Variants in BCL2L13 observed in about 807,000 individuals in gnomAD.
BCL2L13 encodes bcl-2-like protein 13.
A neutral mutation model predicts 25.8 loss-of-function variants in BCL2L13; 13 were observed. The ratio of observed to expected loss-of-function variants is 0.50; its 90% CI spans 0.33 to 0.80. BCL2L13 has a LOEUF of 0.80. Ranked by LOEUF, BCL2L13 falls within the 30% of genes least tolerant of loss-of-function variation. The pLI is 0.02. For synonymous variants in BCL2L13, 244 were observed against 230.3 expected, an observed-to-expected ratio of 1.06 and a Z score of -0.54; for missense variants, 504 against 574.9, an observed-to-expected ratio of 0.88 and a Z score of 1.26.
At chr22:17,696,760 C>T (rs2060276380) in intron 5 of BCL2L13, among the ~76,000 whole-genome samples, 1 of 152,104 alleles carries the variant, frequency 6.6e-6, no homozygotes, top group Admixed American at 6.5e-5. Flanking sequence ...ATCCCTTGAC[C>T]AGTCAATATT....
At chr22:17,645,139 G>A (rs1244930412) in intron 1 of BCL2L13, among the ~76,000 whole-genome samples, 1 of 150,388 alleles carries the variant, frequency 6.6e-6, no homozygotes, top group Non-Finnish European at 1.5e-5. Context: ...GGCATCCAAA[G>A]TAATTTGATG....
At chr22:17,720,338 A>G (rs1044841339) in intron 6 of BCL2L13, among the ~76,000 whole-genome samples, 6 of 151,820 alleles carry the variant, frequency 4.0e-5, no homozygotes, top group African/African-American at 1.2e-4. Flanking sequence ...CACCAAGACC[A>G]GCTAATTTTT....
intron 2 of BCL2L13, among the ~76,000 whole-genome samples, chr22:17,665,591 G>A (rs2059209830): frequency 6.6e-6 from 1 of 152,088 alleles, no homozygotes; most frequent in South Asian, 2.1e-4. Flanking sequence ...TTGACACATG[G>A]GGATTATTAC....
upstream of BCL2L13, chr22:17,638,406 C>G (rs575693039): frequency 8.9e-6 from 3 of 335,414 alleles, no homozygotes; most frequent in African/African-American, 2.1e-5. Context: ...ATTTGACCTG[C>G]TCCCTTGGCA....
intron 2 of BCL2L13, among the ~76,000 whole-genome samples, chr22:17,676,744 C>G (rs2059586136): frequency 6.6e-6 from 1 of 152,108 alleles, no homozygotes; most frequent in Non-Finnish European, 1.5e-5. Flanking sequence ...CCATCTAACA[C>G]TACAAATTAC....
At chr22:17,631,628 T>A (rs2058015569) in intron 1 of BCL2L13, among the ~76,000 whole-genome samples, 1 of 137,906 alleles carries the variant, frequency 7.3e-6, no homozygotes. Flanking sequence ...CTCTTTGTCC[T>A]TTTAGTAGGA....
upstream of BCL2L13, among the ~76,000 whole-genome samples, chr22:17,635,950 C>A (rs1182867127): frequency 3.3e-5 from 5 of 150,696 alleles, no homozygotes; most frequent in African/African-American, 4.9e-5. Flanking sequence ...ACCTCGTGAT[C>A]CGTCCCCCTT....
At chr22:17,654,436 T>C (rs1420394045) in intron 1 of BCL2L13, among the ~76,000 whole-genome samples, 1 of 150,986 alleles carries the variant, frequency 6.6e-6, no homozygotes, top group Non-Finnish European at 1.5e-5. Flanking sequence ...CTTCTGTTTT[T>C]TTTTGAGATG....
At chr22:17,714,396 G>C (rs541047601) in intron 6 of BCL2L13, among the ~76,000 whole-genome samples, 3 of 152,084 alleles carry the variant, frequency 2.0e-5, no homozygotes, top group Admixed American at 6.5e-5. Flanking sequence ...AGGTTGCAGC[G>C]AGCCAAGATG....
upstream of BCL2L13, among the ~76,000 whole-genome samples, chr22:17,634,276 C>T (rs2058071791): frequency 6.6e-6 from 1 of 152,198 alleles, no homozygotes; most frequent in East Asian, 1.9e-4. Context: ...ACCTCCACCT[C>T]CCAGGTTCAA....
rs189770244 is a variant in BCL2L13, at chr22:17,652,743, A to G, written c.-50-2919A>G. Among the ~76,000 whole-genome samples the G allele has an allele frequency of 1.7e-3, 252 of 152,176 alleles. 2 individuals are homozygous for G. Among genetic ancestry groups the G allele is most frequent in the Non-Finnish European group, 3.1e-3 (214 of 67,992 alleles). ...ATGAGCCATCGTGCCCGGCCATCAG[A>G]TTTCTTGAATACCATATTGAAAGTG... is the stretch of plus-strand genomic sequence containing the variant. On this transcript the variant is annotated intron_variant, in intron 1 of 6. Transcript: ENST00000317582.
At chr22:17,637,223 G>A (rs923856182), upstream of BCL2L13, among the ~76,000 whole-genome samples, 18 of 151,768 alleles carry the variant, frequency 1.2e-4, no homozygotes, top group Non-Finnish European at 2.1e-4. Flanking sequence ...CCTAACCAAC[G>A]TGGAGAAACT....
intron 1 of BCL2L13, among the ~76,000 whole-genome samples, chr22:17,648,238 G>C (rs886817586): frequency 6.6e-6 from 1 of 152,110 alleles, no homozygotes; most frequent in Non-Finnish European, 1.5e-5. Flanking sequence ...TAACCCTGTA[G>C]TAGTGCTGTG....
At chr22:17,706,806 G>A (rs749701535) in intron 6 of BCL2L13, 5 of 1,352,070 alleles carry the variant, frequency 3.7e-6, no homozygotes, top group Admixed American at 1.9e-5. Context: ...TCCTGGAAAG[G>A]GCAGAGCAAG....
intron 6 of BCL2L13, among the ~76,000 whole-genome samples, chr22:17,706,235 C>G (rs942545042): frequency 1.3e-5 from 2 of 152,072 alleles, no homozygotes; most frequent in African/African-American, 2.4e-5. Flanking sequence ...GTCTCAAACT[C>G]CTGGCCTCAA....
intron 2 of BCL2L13, 108 bp downstream of exon 2, chr22:17,655,940 C>A: frequency 8.6e-7 from 1 of 1,159,292 alleles, no homozygotes; most frequent in Non-Finnish European, 1.2e-6. Context: ...TACTAATAAG[C>A]CTGTAAGAAT....
Position 17,659,288 on chromosome 22 carries a change from T to C in BCL2L13, c.121+3456T>C, listed in dbSNP as rs577111847. Among the ~76,000 whole-genome samples, 237 of 144,596 alleles carry C rather than the reference T, an allele frequency of 1.6e-3. 7 individuals are homozygous for C. The highest frequency in any genetic ancestry group is 5.5e-3 in the African/African-American group (226 of 40,836). The allele number at this position is 144,596 out of a possible 152,430, so 94.9% of individuals were successfully genotyped here. A position where few individuals can be genotyped will look rare whatever the true frequency, so the allele number is the denominator to read the frequency against. On this transcript the variant is annotated intron_variant, in intron 2 of 6. Transcript: ENST00000317582. ...CTGAGGTGGCAGAATTGCTTGAACC[T>C]GGGAAGCAGAGGTTGCAGTGAGCCG...
intron 2 of BCL2L13, among the ~76,000 whole-genome samples, chr22:17,680,229 A>AAAAAAAAAAAT (rs2059698430): frequency 8.0e-6 from 1 of 124,858 alleles, no homozygotes; most frequent in South Asian, 2.6e-4. Context: ...AAAAAAAAAA[A>AAAAAAAAAAAT]GCTGGGCACG....
chr22:17,661,887 A>T (rs2059077045), intron 2 of BCL2L13, among the ~76,000 whole-genome samples: 1 of 151,444 alleles, frequency 6.6e-6, no homozygotes. Context: ...GCTACTGGGG[A>T]GGCTGAGGCA....
Sources: allele counts gnomAD v4.1 joint callset (sites outside exome capture counted in the v4.1 genomes callset), GRCh38; gene constraint gnomAD v4.1.1; transcripts MANE v1.5; gene names NCBI Gene and HGNC (gene_info 2026-07-23, HGNC 2026-07-21).